SELENOI: variants seen among roughly 807,000 people sequenced by gnomAD.
The protein encoded by SELENOI is selenoprotein I.
SELENOI carries 24 observed loss-of-function variants against 50.7 expected under a neutral mutation model. That is an observed-to-expected ratio of 0.47 (90% CI 0.34 to 0.67). The LOEUF (loss-of-function observed/expected upper bound fraction) is 0.67, where lower values mean the gene tolerates loss of function less well. SELENOI is among the 30% of genes least tolerant of loss of function. The pLI is 0.01. For synonymous variants in SELENOI, 155 were observed against 170.2 expected, an observed-to-expected ratio of 0.91 and a Z score of 0.70; for missense variants, 352 against 461.4, an observed-to-expected ratio of 0.76 and a Z score of 2.17.
chr2:26,393,558 A>G lies in SELENOI; in HGVS notation c.*4455A>G, dbSNP rs560982354. The G allele has an allele frequency of 6.6e-6, 1 of 152,302 alleles. No homozygotes were observed. Among genetic ancestry groups the G allele is most frequent in the South Asian group, 2.1e-4 (1 of 4,830 alleles). The allele number at this position is 152,302 out of a possible 1,614,324, so 9.4% of individuals were successfully genotyped here. ...ATCCCAGAATTGGAAGGTGCCACAT[A>G]TACTTTTAGAATATTTTAACAAAGG... is the stretch of plus-strand genomic sequence containing the variant. On this transcript the variant is annotated 3_prime_UTR_variant, in exon 10 of 10. Coordinates refer to ENST00000260585, the MANE Select transcript of SELENOI (RefSeq NM_033505.4).
chr2:26,364,887 T>C lies in SELENOI; in HGVS notation c.182T>C (p.Val61Ala). 1 of 1,611,086 alleles carries C rather than the reference T, an allele frequency of 6.2e-7. No individual in the cohort carries two copies. Among genetic ancestry groups the C allele is most frequent in the East Asian group, 2.2e-5 (1 of 44,636 alleles). Residue 61 changes from valine to alanine, a missense_variant, in exon 3 of 10, where the codon GTC (valine) becomes GCC (alanine). Transcript: ENST00000260585. ...NLITFSGFLL[V>A]VFNFLLMAYF... is the part of the protein sequence containing the mutation. ...ATAACTTTTTCTGGCTTTCTGCTGG[T>C]CGTATTCAATTTTCTGCTAATGGCA...
intron 4 of SELENOI, among the ~76,000 whole-genome samples, chr2:26,368,457 CA>C (rs992885654): frequency 2.6e-5 from 4 of 152,130 alleles, no homozygotes; most frequent in African/African-American, 9.7e-5. Flanking sequence ...AGTTTTCTGG[CA>C]AAAACCCTGG....
rs1453284169 is a variant in SELENOI at position 26,346,171 on chromosome 2, T to C, written c.-62T>C. ...ATCCTTGCCCAGCCGGTGTGGTGCT[T>C]GTGTGTCACAGCCTTGTAGCCGGGA... On this transcript the variant is annotated 5_prime_UTR_variant, in exon 1 of 10. Transcript: ENST00000260585. The C allele has an allele frequency of 6.2e-7, 1 of 1,612,052 alleles. No individual in the cohort carries two copies. The highest frequency in any genetic ancestry group is 1.3e-5 in the African/African-American group (1 of 74,998).
chr2:26,358,920 T>C (rs1390630686), intron 1 of SELENOI, among the ~76,000 whole-genome samples: 1 of 152,208 alleles, frequency 6.6e-6, no homozygotes, highest in Non-Finnish European at 1.5e-5. Flanking sequence ...CTTATAGTCA[T>C]GTTCTGCTTC....
Position 26,391,585 on chromosome 2 carries a change from T to A in SELENOI, c.*2482T>A, listed in dbSNP as rs1677970431. ...TGCCTTTTGGGGAGCAATGCCATGA[T>A]AAGGAGCATACGTGCATGTTTTCCG... On this transcript the variant is annotated 3_prime_UTR_variant, in exon 10 of 10. Transcript: ENST00000260585. The A allele has an allele frequency of 6.6e-6, 1 of 152,206 alleles. No individual in the cohort carries two copies. Among genetic ancestry groups the A allele is most frequent in the East Asian group, 1.9e-4 (1 of 5,198 alleles). The allele number at this position is 152,206 out of a possible 1,614,324, so 9.4% of individuals were successfully genotyped here.
chr2:26,371,570 C>T (rs545682182), intron 4 of SELENOI, among the ~76,000 whole-genome samples: 1 of 152,380 alleles, frequency 6.6e-6, no homozygotes, highest in South Asian at 2.1e-4. Context: ...GCCTGGGCGC[C>T]ATTGAGCACT....
intron 5 of SELENOI, 116 bp downstream of exon 5, chr2:26,373,745 A>C: frequency 1.9e-6 from 2 of 1,076,500 alleles, no homozygotes; most frequent in Non-Finnish European, 2.6e-6. Context: ...ATGTACTTAA[A>C]AATTTTTTAT....
intron 9 of SELENOI, 93 bp from the exon 10 acceptor site, chr2:26,388,912 A>G: frequency 1.0e-6 from 1 of 974,502 alleles, no homozygotes; most frequent in Non-Finnish European, 1.6e-6. Context: ...TGCCGTGTCA[A>G]TAAATTGTTA....
intron 4 of SELENOI, among the ~76,000 whole-genome samples, chr2:26,372,199 G>A (rs1026571722): frequency 2.6e-5 from 4 of 152,060 alleles, no homozygotes; most frequent in African/African-American, 4.8e-5. Flanking sequence ...TGCAACCTCC[G>A]CCTCCTGGGT....
chr2:26,371,178 G>A (rs1476979486), intron 4 of SELENOI, among the ~76,000 whole-genome samples: 1 of 151,616 alleles, frequency 6.6e-6, no homozygotes, highest in African/African-American at 2.4e-5. Flanking sequence ...CTCCCTCCCG[G>A]ACGGGGTGGC....
At chr2:26,386,775 T>C (rs1188436715) in intron 9 of SELENOI, among the ~76,000 whole-genome samples, 3 of 152,230 alleles carry the variant, frequency 2.0e-5, no homozygotes, top group African/African-American at 7.2e-5. Context: ...TGGATAATTA[T>C]TGTGAGGAAT....
chr2:26,377,956 T>C (rs1677602835), intron 6 of SELENOI, among the ~76,000 whole-genome samples: 1 of 152,246 alleles, frequency 6.6e-6, no homozygotes, highest in South Asian at 2.1e-4. Context: ...TTTGGTTTTT[T>C]GTTCTGATAG....
chr2:26,384,178 T>A (rs987045118), intron 7 of SELENOI, among the ~76,000 whole-genome samples: 3 of 152,230 alleles, frequency 2.0e-5, no homozygotes, highest in African/African-American at 7.2e-5. Context: ...TTCTTACACT[T>A]CCCACTTCAT....
At chr2:26,351,285 G>C (rs1336218566) in intron 1 of SELENOI, among the ~76,000 whole-genome samples, 2 of 151,960 alleles carry the variant, frequency 1.3e-5, no homozygotes, top group Non-Finnish European at 1.5e-5. Context: ...CTTGAACTTC[G>C]GACCTCAGGT....
intron 1 of SELENOI, among the ~76,000 whole-genome samples, chr2:26,364,078 CTTTTTTT>C (rs59396679): frequency 8.7e-6 from 1 of 114,904 alleles, no homozygotes; most frequent in African/African-American, 3.5e-5. Flanking sequence ...CTTTCTCCCC[CTTTTTTT>C]TTTTTTTTTT....
chr2:26,370,966 C>T (rs1414908233), intron 4 of SELENOI, among the ~76,000 whole-genome samples: 1 of 134,970 alleles, frequency 7.4e-6, no homozygotes, highest in South Asian at 2.3e-4. Context: ...GGGCGGCTGG[C>T]CGGGCGGGGG....
At chr2:26,371,116 A>C (rs1335481821) in intron 4 of SELENOI, among the ~76,000 whole-genome samples, 12 of 118,236 alleles carry the variant, frequency 1.0e-4, no homozygotes, top group Middle Eastern at 7.0e-3. Flanking sequence ...TGACCCCCCC[A>C]CCTCCCTCCC....
At chr2:26,363,330 A>G (rs1432144907) in intron 1 of SELENOI, among the ~76,000 whole-genome samples, 1 of 152,232 alleles carries the variant, frequency 6.6e-6, no homozygotes, top group Non-Finnish European at 1.5e-5. Context: ...AACTTGCCCA[A>G]GGTCTCACAG....
At chr2:26,384,876 T>C (rs1677805758) in intron 7 of SELENOI, 83 bp from the exon 8 acceptor site, 4 of 950,802 alleles carry the variant, frequency 4.2e-6, no homozygotes, top group Non-Finnish European at 5.9e-6. Context: ...AGTGTATAAA[T>C]AAGGAAACTA....
Sources: allele counts gnomAD v4.1 joint callset (sites outside exome capture counted in the v4.1 genomes callset), GRCh38; gene constraint gnomAD v4.1.1; transcripts MANE v1.5; gene names NCBI Gene and HGNC (gene_info 2026-07-23, HGNC 2026-07-21).